KAZN: variants seen among roughly 807,000 people sequenced by gnomAD.
KAZN encodes kazrin.
A neutral mutation model predicts 87.4 loss-of-function variants in KAZN; 40 were observed. The observed-to-expected ratio is 0.46, with a 90% CI of 0.36 to 0.60. KAZN has a LOEUF of 0.60. Ranked by LOEUF, KAZN falls within the 20% of genes least tolerant of loss-of-function variation. The pLI is 0.00. For missense variants in KAZN, 898 were observed against 1,073.9 expected (o/e 0.84, Z 2.29); for synonymous variants, 466 against 458.3 (o/e 1.02, Z -0.22).
At chr1:14,484,345 GT>G (rs1162209549) in intron 2 of KAZN, among the ~76,000 whole-genome samples, 1 of 152,064 alleles carries the variant, frequency 6.6e-6, no homozygotes, top group East Asian at 1.9e-4. Flanking sequence ...CAGATTTTAA[GT>G]GTTTACACCA....
chr1:14,839,881 C>G (rs1005395998), intron 1 of KAZN, among the ~76,000 whole-genome samples: 1 of 152,126 alleles, frequency 6.6e-6, no homozygotes, highest in African/African-American at 2.4e-5. Flanking sequence ...TAAAGGGAAA[C>G]CAGCCTGGCT....
chr1:14,935,409 A>T (rs907413011), intron 1 of KAZN, among the ~76,000 whole-genome samples: 1 of 137,322 alleles, frequency 7.3e-6, no homozygotes, highest in Non-Finnish European at 1.6e-5. Flanking sequence ...CCCAACCCCC[A>T]GCCCCATCCC....
intron 2 of KAZN, among the ~76,000 whole-genome samples, chr1:14,492,572 C>CTGCCCTTTCT (rs1186093461): frequency 2.7e-5 from 4 of 147,086 alleles, no homozygotes; most frequent in Non-Finnish European, 6.0e-5. Flanking sequence ...GCCAGGACTG[C>CTGCCCTTTCT]TGCCCTTTCT....
chr1:14,492,758 A>G, intron 2 of KAZN, among the ~76,000 whole-genome samples: 1 of 29,340 alleles, frequency 3.4e-5, no homozygotes, highest in Non-Finnish European at 8.0e-5. Context: ...ACATGTGCAC[A>G]CACATCACAC....
chr1:14,877,929 C>T (rs1652946117), intron 1 of KAZN, among the ~76,000 whole-genome samples: 1 of 151,910 alleles, frequency 6.6e-6, no homozygotes, highest in Non-Finnish European at 1.5e-5. Context: ...CTCGATGGAC[C>T]CTACGGCACA....
At chr1:14,552,333 C>T (rs1673584123) in intron 2 of KAZN, among the ~76,000 whole-genome samples, 1 of 152,306 alleles carries the variant, frequency 6.6e-6, no homozygotes, top group Admixed American at 6.5e-5. Flanking sequence ...CCAGGCTCCA[C>T]GGAGAGCGGC....
chr1:14,711,397 TGG>T (rs1020074547), intron 1 of KAZN, among the ~76,000 whole-genome samples: 27 of 151,500 alleles, frequency 1.8e-4, no homozygotes, highest in Non-Finnish European at 2.5e-4. Flanking sequence ...ACATTTGGTT[TGG>T]GGATGGTCAC....
chr1:14,617,892 T>C (rs984399559), intron 1 of KAZN, among the ~76,000 whole-genome samples: 3 of 152,236 alleles, frequency 2.0e-5, no homozygotes, highest in Non-Finnish European at 4.4e-5. Context: ...CATTTGGCAG[T>C]GGCAGAAGGG....
At chr1:14,303,147 C>T (rs991609493) in intron 2 of KAZN, among the ~76,000 whole-genome samples, 1 of 152,120 alleles carries the variant, frequency 6.6e-6, no homozygotes, top group Admixed American at 6.6e-5. Context: ...AGGAAGTAGA[C>T]GTCGGTGTTT....
intron 1 of KAZN, among the ~76,000 whole-genome samples, chr1:14,908,810 T>G (rs1190579032): frequency 6.6e-6 from 1 of 152,024 alleles, no homozygotes; most frequent in Non-Finnish European, 1.5e-5. Flanking sequence ...AGGTCAGGAA[T>G]TCAAGACCAC....
At chr1:14,412,207 G>A (rs1571565277) in intron 2 of KAZN, among the ~76,000 whole-genome samples, 1 of 152,290 alleles carries the variant, frequency 6.6e-6, no homozygotes, top group South Asian at 2.1e-4. Flanking sequence ...ATAAATCTAA[G>A]TATATCAAGT....
chr1:14,238,424 G>A (rs899355631), intron 2 of KAZN, among the ~76,000 whole-genome samples: 13 of 152,136 alleles, frequency 8.5e-5, no homozygotes, highest in Admixed American at 1.3e-4. Flanking sequence ...ATTCTTTTCC[G>A]GCCCTCATAT....
intron 2 of KAZN, among the ~76,000 whole-genome samples, chr1:14,373,222 T>C (rs1233579036): frequency 6.7e-6 from 1 of 149,894 alleles, no homozygotes; most frequent in Admixed American, 6.7e-5. Flanking sequence ...TATATATATA[T>C]ATATGCACAC....
intron 2 of KAZN, among the ~76,000 whole-genome samples, chr1:14,217,649 CAA>C (rs564104734): frequency 5.3e-4 from 80 of 152,106 alleles, no homozygotes; most frequent in Non-Finnish European, 9.9e-4. Flanking sequence ...ACTATAATTT[CAA>C]AAGTTTCCCA....
At chr1:15,054,557 C>G (rs1426711262) in intron 4 of KAZN, among the ~76,000 whole-genome samples, 1 of 151,238 alleles carries the variant, frequency 6.6e-6, no homozygotes, top group Non-Finnish European at 1.5e-5. Context: ...GAGACTGAGG[C>G]AGGAGAATTG....
At chr1:14,741,320 G>C (rs1299849755) in intron 1 of KAZN, among the ~76,000 whole-genome samples, 2 of 152,240 alleles carry the variant, frequency 1.3e-5, no homozygotes, top group Non-Finnish European at 2.9e-5. Flanking sequence ...TCGGGCATGA[G>C]GATGCTAGAG....
intron 1 of KAZN, among the ~76,000 whole-genome samples, chr1:14,179,726 C>T (rs1303840806): frequency 6.6e-6 from 1 of 152,162 alleles, no homozygotes; most frequent in Non-Finnish European, 1.5e-5. Context: ...AAGCACCTTC[C>T]ATTTGCTAGG....
intron 2 of KAZN, among the ~76,000 whole-genome samples, chr1:14,313,834 A>G (rs1182780685): frequency 6.6e-6 from 1 of 152,160 alleles, no homozygotes; most frequent in Non-Finnish European, 1.5e-5. Flanking sequence ...GGATAGTGGG[A>G]TATTATGAAA....
chr1:14,454,143 T>C (rs1017913130), intron 2 of KAZN, among the ~76,000 whole-genome samples: 1 of 152,218 alleles, frequency 6.6e-6, no homozygotes, highest in African/African-American at 2.4e-5. Flanking sequence ...ATTTTCTCTC[T>C]GTGCAGCAAG....
Sources: gnomAD v4.1 joint callset for allele counts (sites outside exome capture counted in the v4.1 genomes callset) on GRCh38, gnomAD v4.1.1 for gene constraint, MANE v1.5 for transcripts, NCBI Gene and HGNC (gene_info 2026-07-23, HGNC 2026-07-21) for gene names.